The following THADA variants were observed in gnomAD, a reference collection of about 807,000 sequenced individuals.
The protein encoded by THADA is THADA armadillo repeat containing.
A neutral mutation model predicts 219.8 loss-of-function variants in THADA; 213 were observed. That is an observed-to-expected ratio of 0.97 (90% CI 0.87 to 1.09). The LOEUF is 1.09. THADA is among the 50% of genes least tolerant of loss of function. THADA has a pLI of 0.00. For missense variants in THADA, 2,956 were observed against 2,311.3 expected (o/e 1.28, Z -5.72); for synonymous variants, 1,018 against 828.9 (o/e 1.23, Z -3.92).
intron 25 of THADA, among the ~76,000 whole-genome samples, chr2:43,490,291 T>C (rs377533855): frequency 1.8e-4 from 28 of 152,214 alleles, no homozygotes; most frequent in African/African-American, 4.6e-4. Flanking sequence ...AAAATAGAGA[T>C]AGTTTTGCAT....
chr2:43,423,517 C>G (rs938066397), intron 28 of THADA, among the ~76,000 whole-genome samples: 2 of 151,400 alleles, frequency 1.3e-5, no homozygotes, highest in African/African-American at 2.4e-5. Context: ...ACTGCAAGCT[C>G]TGCCTCCTGG....
chr2:43,482,470 T>C (rs922376660), intron 26 of THADA, among the ~76,000 whole-genome samples: 1 of 152,112 alleles, frequency 6.6e-6, no homozygotes, highest in Non-Finnish European at 1.5e-5. Context: ...TTTAGTATTT[T>C]AAAAAAAGAA....
intron 4 of THADA, 122 bp downstream of exon 4, chr2:43,590,702 A>G (rs1253144060): frequency 3.0e-6 from 3 of 1,005,972 alleles, no homozygotes; most frequent in African/African-American, 3.3e-5. Flanking sequence ...AGAACAAACC[A>G]TATGAATGAA....
At chr2:43,466,294 A>G (rs966761915) in intron 26 of THADA, among the ~76,000 whole-genome samples, 1 of 152,194 alleles carries the variant, frequency 6.6e-6, no homozygotes. Flanking sequence ...AATTGAAAAA[A>G]CATGTTCACA....
intron 24 of THADA, among the ~76,000 whole-genome samples, chr2:43,502,870 C>T (rs1307104240): frequency 6.6e-6 from 1 of 151,786 alleles, no homozygotes; most frequent in Non-Finnish European, 1.5e-5. Flanking sequence ...AATCCAACTC[C>T]TACAAAACAA....
At chr2:43,278,675 A>G (rs921879874) in intron 36 of THADA, among the ~76,000 whole-genome samples, 1 of 152,148 alleles carries the variant, frequency 6.6e-6, no homozygotes, top group African/African-American at 2.4e-5. Flanking sequence ...TTCCAAAACT[A>G]GCTTCTTCCA....
chr2:43,552,895 TG>T (rs1696916251), intron 17 of THADA, among the ~76,000 whole-genome samples: 1 of 152,160 alleles, frequency 6.6e-6, no homozygotes, highest in Admixed American at 6.6e-5. Context: ...GATCACATAT[TG>T]TATGATTCCA....
chr2:43,375,463 A>G (rs963735405), intron 29 of THADA, among the ~76,000 whole-genome samples: 5 of 152,336 alleles, frequency 3.3e-5, no homozygotes, highest in African/African-American at 1.2e-4. Flanking sequence ...TTTTAAAATG[A>G]TAAGTATACT....
At chr2:43,568,810 A>C (rs1419658027) in intron 14 of THADA, among the ~76,000 whole-genome samples, 1 of 152,060 alleles carries the variant, frequency 6.6e-6, no homozygotes, top group African/African-American at 2.4e-5. Context: ...TGGGAGGTGG[A>C]GTGGGGGGAA....
intron 26 of THADA, among the ~76,000 whole-genome samples, chr2:43,460,906 T>C (rs1683564024): frequency 1.3e-5 from 2 of 152,166 alleles, no homozygotes; most frequent in Non-Finnish European, 1.5e-5. Flanking sequence ...TAGGTGAAGC[T>C]TGGCATTGCA....
intron 20 of THADA, among the ~76,000 whole-genome samples, chr2:43,543,707 T>C (rs1488207581): frequency 6.6e-6 from 1 of 152,244 alleles, no homozygotes; most frequent in African/African-American, 2.4e-5. Flanking sequence ...CTTTGCCCAC[T>C]TTTTGATGGG....
Position 43,286,944 on chromosome 2 carries a change from T to C in THADA, c.5128A>G (p.Thr1710Ala). ...TGGGGGTTGGTGAGGAAAAGTGGTG[T>C]AGTACTGGTGAGGACTTCAACGACG... Reference protein sequence around the residue: ...LAVVEVLTSTTPLFLTNPHPI... With the variant: ...LAVVEVLTSTAPLFLTNPHPI... Residue 1710 changes from threonine (T) to alanine (A), a missense_variant, in exon 35 of 38, where the codon ACA (threonine) becomes GCA (alanine). Physicochemically the swap from Thr to Ala is moderately conservative, Grantham distance 58 (BLOSUM62 0). Coordinates refer to ENST00000405975, the MANE Select transcript of THADA (RefSeq NM_022065.5). 1 of 1,613,858 alleles carries C rather than the reference T, an allele frequency of 6.2e-7. No individual in the cohort carries two copies. The highest frequency in any genetic ancestry group is 8.5e-7 in the Non-Finnish European group (1 of 1,179,808).
In THADA at chr2:43,288,810, C is replaced by T. The variant is rs1000038354; in HGVS notation, c.5011-1749G>A. Among the ~76,000 whole-genome samples, 11 of 152,320 alleles carry T rather than the reference C, an allele frequency of 7.2e-5. No homozygotes were observed. In the East Asian group the frequency reaches 1.7e-3, roughly 24 times the overall value. Reference sequence around the variant, plus strand: ...GTTTTACTGAGATACAGTTTACATACCATAGAATTCACTCATTTAAAGTGG... The same window carrying T: ...GTTTTACTGAGATACAGTTTACATATCATAGAATTCACTCATTTAAAGTGG... On this transcript the variant is annotated intron_variant, in intron 34 of 37. Coordinates refer to ENST00000405975, the MANE Select transcript of THADA (RefSeq NM_022065.5).
chr2:43,394,798 A>G (rs1290051076), intron 29 of THADA, among the ~76,000 whole-genome samples: 1 of 152,198 alleles, frequency 6.6e-6, no homozygotes, highest in African/African-American at 2.4e-5. Context: ...GGGTAAACCA[A>G]CCTTGATAAA....
intron 21 of THADA, among the ~76,000 whole-genome samples, chr2:43,540,111 G>GT (rs1354255240): frequency 2.6e-5 from 4 of 152,218 alleles, no homozygotes; most frequent in Admixed American, 2.6e-4. Context: ...CATCAGTGAA[G>GT]TAATCATTAA....
chr2:43,541,231 T>C lies in THADA; in HGVS notation c.3192A>G (p.Leu1064=). ...TGGGCAGAAGCTGGCACAACATGCC[T>C]AAAAGTAAAGCAACTTCCTTCATAC... ...WRSMKEVALL[L]GMLCQLLPMQ... is the part of the protein sequence containing the mutation. The change falls in exon 21 of 38, where the codon TTA becomes TTG. Residue 1064 remains leucine, a synonymous_variant. Coordinates refer to ENST00000405975, the MANE Select transcript of THADA (RefSeq NM_022065.5). The C allele has an allele frequency of 6.2e-7, 1 of 1,612,028 alleles. No individual in the cohort carries two copies. Among genetic ancestry groups the C allele is most frequent in the Non-Finnish European group, 8.5e-7 (1 of 1,179,188 alleles).
intron 4 of THADA, among the ~76,000 whole-genome samples, chr2:43,588,654 C>T (rs1197114948): frequency 6.6e-6 from 1 of 152,024 alleles, no homozygotes; most frequent in Admixed American, 6.5e-5. Flanking sequence ...CATTTTCCTT[C>T]ATTAGATTTT....
At chr2:43,297,566 C>T (rs1224391481) in intron 31 of THADA, among the ~76,000 whole-genome samples, 1 of 111,028 alleles carries the variant, frequency 9.0e-6, no homozygotes, top group Non-Finnish European at 1.8e-5. Context: ...CAGCCCCCCG[C>T]CTGGCCAGCC....
At chr2:43,554,389 T>C (rs1343256344) in intron 17 of THADA, among the ~76,000 whole-genome samples, 1 of 152,200 alleles carries the variant, frequency 6.6e-6, no homozygotes, top group Non-Finnish European at 1.5e-5. Flanking sequence ...GAGAAGGTTA[T>C]ATTCTAAATA....
Sources: gnomAD v4.1 joint callset for allele counts (sites outside exome capture counted in the v4.1 genomes callset) on GRCh38, gnomAD v4.1.1 for gene constraint, MANE v1.5 for transcripts, NCBI Gene and HGNC (gene_info 2026-07-23, HGNC 2026-07-21) for gene names.